The following ADCY5 variants were observed in gnomAD, a reference collection of about 807,000 sequenced individuals.
The protein encoded by ADCY5 is adenylate cyclase type 5.
Under a neutral mutation model 119.7 loss-of-function variants are expected in ADCY5, and 30 were observed. The ratio of observed to expected loss-of-function variants is 0.25; its 90% CI spans 0.19 to 0.34. The LOEUF is 0.34. ADCY5 is among the 10% of genes least tolerant of loss of function. ADCY5 has a pLI of 1.00. For missense variants in ADCY5, 1,324 were observed against 1,775.2 expected, an observed-to-expected ratio of 0.75 and a Z score of 4.57; for synonymous variants, 753 against 762.2, an observed-to-expected ratio of 0.99 and a Z score of 0.20.
chr3:123,309,995 G>A (rs1016741687), intron 12 of ADCY5, among the ~76,000 whole-genome samples: 1 of 151,978 alleles, frequency 6.6e-6, no homozygotes, highest in Non-Finnish European at 1.5e-5. Context: ...CCCACAGGAG[G>A]CTCTGGTCAC....
chr3:123,310,329 C>G (rs1288883310), intron 12 of ADCY5, among the ~76,000 whole-genome samples: 3 of 151,896 alleles, frequency 2.0e-5, no homozygotes, highest in African/African-American at 7.3e-5. Context: ...CAGGTATAGA[C>G]CAGGGCTGCT....
intron 4 of ADCY5, 52 bp downstream of exon 4, chr3:123,332,512 C>G (rs1157760677): frequency 7.3e-7 from 1 of 1,373,610 alleles, no homozygotes; most frequent in Admixed American, 1.8e-5. Context: ...ACAGCAGCCT[C>G]CCTCAACAGC....
At chr3:123,353,003 C>T (rs1411871982) in intron 1 of ADCY5, among the ~76,000 whole-genome samples, 1 of 152,182 alleles carries the variant, frequency 6.6e-6, no homozygotes, top group East Asian at 1.9e-4. Context: ...GGCCACCCTC[C>T]CCCAGAGATC....
At chr3:123,338,505 G>A (rs1298277795) in intron 3 of ADCY5, among the ~76,000 whole-genome samples, 5 of 152,164 alleles carry the variant, frequency 3.3e-5, no homozygotes, top group Admixed American at 2.0e-4. Context: ...GATCTGCCCC[G>A]GAGTAACTCT....
chr3:123,430,874 G>C (rs747231061), intron 1 of ADCY5, among the ~76,000 whole-genome samples: 1 of 152,070 alleles, frequency 6.6e-6, no homozygotes, highest in Non-Finnish European at 1.5e-5. Flanking sequence ...GCAGCAGAAG[G>C]GTCCTTGCCC....
intron 14 of ADCY5, among the ~76,000 whole-genome samples, chr3:123,301,111 G>T (rs949461551): frequency 4.3e-4 from 65 of 151,848 alleles, no homozygotes; most frequent in Non-Finnish European, 1.3e-4. Flanking sequence ...AATCTCGGAG[G>T]TCCCCATCTG....
intron 1 of ADCY5, among the ~76,000 whole-genome samples, chr3:123,430,470 T>A (rs1945501106): frequency 6.6e-6 from 1 of 152,034 alleles, no homozygotes; most frequent in African/African-American, 2.4e-5. Context: ...CCCCGAGGCC[T>A]CGGAGAAGGA....
At chr3:123,354,661 G>A (rs1047907454) in intron 1 of ADCY5, among the ~76,000 whole-genome samples, 7 of 152,130 alleles carry the variant, frequency 4.6e-5, no homozygotes, top group Admixed American at 4.6e-4. Context: ...GGTTCTCAGT[G>A]ATAAAAACAG....
chr3:123,448,044 G>C lies in ADCY5; in HGVS notation c.502C>G (p.Arg168Gly), dbSNP rs1334092186. 8.1e-7 allele frequency: 1 copy of C among 1,237,866 alleles called. No homozygotes were observed. Among genetic ancestry groups the C allele is most frequent in the South Asian group, 3.0e-5 (1 of 32,908 alleles). The allele number at this position is 1,237,866 out of a possible 1,614,324, so 76.7% of individuals were successfully genotyped here. The change falls in exon 1 of 21, where the codon CGC becomes GGC. Residue 168 changes from arginine (R) to glycine (G), a missense_variant. Physicochemically the swap from Arg to Gly is moderately radical, Grantham distance 125 (BLOSUM62 -2). Coordinates refer to ENST00000462833, the MANE Select transcript of ADCY5 (RefSeq NM_183357.3). The part of the protein sequence containing the change: ...VGLEERRGKG[R>G]AADELEAGAV... ...CCGGCCTCCAGCTCGTCGGCCGCGC[G>C]CCCCTTGCCCCGCCGCTCCTCCAGA...
intron 1 of ADCY5, among the ~76,000 whole-genome samples, chr3:123,428,059 C>A (rs984963016): frequency 2.0e-5 from 3 of 152,192 alleles, no homozygotes; most frequent in African/African-American, 7.2e-5. Context: ...CGGACAGGGA[C>A]CCATGTCTGA....
chr3:123,354,778 C>A (rs1942980351), intron 1 of ADCY5, among the ~76,000 whole-genome samples: 1 of 152,154 alleles, frequency 6.6e-6, no homozygotes, highest in Non-Finnish European at 1.5e-5. Context: ...GGCTTAATCC[C>A]AGGAATGAAG....
rs1185931506 is a variant in ADCY5 at position 123,447,810 on chromosome 3, T to C, written c.736A>G (p.Met246Val). The change falls in exon 1 of 21, where the codon ATG (methionine) becomes GTG (valine). Residue 246 changes from methionine (M) to valine (V), a missense_variant. By Grantham distance (21) the Met-to-Val change is conservative. Transcript: ENST00000462833. ...AGGCACACGAGCACCAGCACGGCCA[T>C]GAGCATGGTGAGGCTGCTCTGGTTC... ...RLNQSSLTML[M>V]AVLVLVCLVM... is the part of the protein sequence containing the mutation. 1.2e-6 allele frequency: 2 copies of C among 1,612,584 alleles called. No individual in the cohort carries two copies. Among genetic ancestry groups the C allele is most frequent in the Non-Finnish European group, 1.7e-6 (2 of 1,179,596 alleles).
intron 4 of ADCY5, 79 bp from the exon 5 acceptor site, chr3:123,331,095 T>C: frequency 6.8e-7 from 1 of 1,466,010 alleles, no homozygotes; most frequent in Non-Finnish European, 9.3e-7. Flanking sequence ...AGCAAAAAGA[T>C]TCACCCCGTG....
chr3:123,406,024 T>C (rs1424529578), intron 1 of ADCY5, among the ~76,000 whole-genome samples: 1 of 152,232 alleles, frequency 6.6e-6, no homozygotes, highest in Non-Finnish European at 1.5e-5. Flanking sequence ...AGCCAATTCC[T>C]AGAGACAGTA....
chr3:123,425,223 A>G (rs1444704917), intron 1 of ADCY5, among the ~76,000 whole-genome samples: 1 of 152,222 alleles, frequency 6.6e-6, no homozygotes, highest in East Asian at 1.9e-4. Context: ...CAACCAGCCA[A>G]AGGAATGTTC....
chr3:123,447,242 G>A (rs985812557), intron 1 of ADCY5, among the ~76,000 whole-genome samples, 170 bp downstream of exon 1: 5 of 152,218 alleles, frequency 3.3e-5, no homozygotes, highest in African/African-American at 1.2e-4. Flanking sequence ...AAATGAAGCC[G>A]CTGGGGCTCA....
chr3:123,333,976 A>G (rs1309022311), intron 3 of ADCY5, among the ~76,000 whole-genome samples: 5 of 152,068 alleles, frequency 3.3e-5, no homozygotes, highest in African/African-American at 9.7e-5. Flanking sequence ...CCAGTTCCTC[A>G]GTGCACCAGC....
At chr3:123,299,940 A>G (rs1263907049) in intron 15 of ADCY5, among the ~76,000 whole-genome samples, 180 bp downstream of exon 15, 3 of 152,212 alleles carry the variant, frequency 2.0e-5, no homozygotes, top group Non-Finnish European at 4.4e-5. Flanking sequence ...GGCCACTCCA[A>G]CTACTGGGAA....
At chr3:123,384,400 G>C (rs577228233) in intron 1 of ADCY5, among the ~76,000 whole-genome samples, 1 of 152,148 alleles carries the variant, frequency 6.6e-6, no homozygotes, top group Non-Finnish European at 1.5e-5. Context: ...GAGTCGCCCT[G>C]GGTCAGGGCG....
Sources: gnomAD v4.1 joint callset for allele counts (sites outside exome capture counted in the v4.1 genomes callset) on GRCh38, gnomAD v4.1.1 for gene constraint, MANE v1.5 for transcripts, NCBI Gene and HGNC (gene_info 2026-07-23, HGNC 2026-07-21) for gene names.